Variants in NLGN4Y observed in about 807,000 individuals in gnomAD.
NLGN4Y encodes the protein neuroligin-4, Y-linked.
Under a neutral mutation model 8.4 loss-of-function variants are expected in NLGN4Y, and 4 were observed. That is an observed-to-expected ratio of 0.48 (90% CI 0.23 to 1.09). NLGN4Y has a LOEUF of 1.09. Among genes scored for constraint, NLGN4Y ranks in the 50% least tolerant of loss-of-function variants. The probability of loss-of-function intolerance (pLI) is 0.19; values close to 1 mark genes in which losing one functional copy is unlikely to be tolerated. For synonymous variants in NLGN4Y, 35 were observed against 75.6 expected, an observed-to-expected ratio of 0.46 and a Z score of 2.78; for missense variants, 90 against 192.3, an observed-to-expected ratio of 0.47 and a Z score of 3.15.
chrY:14,788,135 A>G, intron 4 of NLGN4Y, among the ~76,000 whole-genome samples: 1 of 33,813 alleles, frequency 3.0e-5, no homozygotes, highest in Non-Finnish European at 7.3e-5. Flanking sequence ...TGCAACCTCA[A>G]GTTTATCCGG....
intron 4 of NLGN4Y, among the ~76,000 whole-genome samples, chrY:14,823,160 T>C (rs2043129388): frequency 3.0e-5 from 1 of 33,876 alleles, no homozygotes; most frequent in Non-Finnish European, 7.3e-5. Context: ...TCCTCTACTC[T>C]TTTTGTTTTA....
chrY:14,578,969 C>G (rs2080307584), intron 1 of NLGN4Y, among the ~76,000 whole-genome samples: 1 of 34,139 alleles, frequency 2.9e-5, no homozygotes, highest in Non-Finnish European at 7.3e-5. Flanking sequence ...GCTGATGTAT[C>G]ATTTCAAAAA....
chrY:14,653,643 G>A (rs746684713), intron 2 of NLGN4Y, among the ~76,000 whole-genome samples: 4 of 33,080 alleles, frequency 1.2e-4, no homozygotes, highest in Non-Finnish European at 7.4e-5. Context: ...TCTACCTTCC[G>A]GATTCAAGTC....
At chrY:14,541,438 T>C (rs1042460177) in intron 1 of NLGN4Y, among the ~76,000 whole-genome samples, 2 of 33,048 alleles carry the variant, frequency 6.1e-5, no homozygotes, top group Non-Finnish European at 1.5e-4. Flanking sequence ...ACATTAAAAT[T>C]CAGGATATAC....
intron 2 of NLGN4Y, among the ~76,000 whole-genome samples, chrY:14,643,178 G>A (rs2080597124): frequency 3.0e-5 from 1 of 33,379 alleles, no homozygotes; most frequent in African/African-American, 1.2e-4. Flanking sequence ...GAGACCGGGT[G>A]GGTCCAGTAG....
chrY:14,662,631 T>C, intron 2 of NLGN4Y, among the ~76,000 whole-genome samples: 1 of 33,160 alleles, frequency 3.0e-5, no homozygotes, highest in African/African-American at 1.2e-4. Flanking sequence ...ATCTCATTCA[T>C]GAAGCTCCAT....
At chrY:14,820,696 C>G (rs2043119045) in intron 4 of NLGN4Y, among the ~76,000 whole-genome samples, 1 of 33,266 alleles carries the variant, frequency 3.0e-5, no homozygotes, top group Non-Finnish European at 7.4e-5. Context: ...AGACACAGGG[C>G]TACCTTCAGA....
chrY:14,697,226 T>G, intron 2 of NLGN4Y, among the ~76,000 whole-genome samples: 1 of 30,337 alleles, frequency 3.3e-5, no homozygotes, highest in Admixed American at 3.2e-4. Flanking sequence ...GATAGATAGA[T>G]AGATAGATAG....
chrY:14,554,022 G>A, intron 1 of NLGN4Y, among the ~76,000 whole-genome samples: 1 of 31,132 alleles, frequency 3.2e-5, no homozygotes, highest in Admixed American at 3.1e-4. Flanking sequence ...TGAATTGATG[G>A]GTGTTTTTCA....
intron 2 of NLGN4Y, among the ~76,000 whole-genome samples, chrY:14,715,309 G>T: frequency 3.0e-5 from 1 of 33,232 alleles, no homozygotes; most frequent in Non-Finnish European, 7.4e-5. Flanking sequence ...ATACTCAAAT[G>T]ATTATAAATT....
At chrY:14,641,743 C>T (rs748678549) in intron 2 of NLGN4Y, among the ~76,000 whole-genome samples, 1 of 33,374 alleles carries the variant, frequency 3.0e-5, no homozygotes, top group African/African-American at 1.2e-4. Context: ...CTGTTCTGTC[C>T]GTGGCAAAGC....
At chrY:14,725,806 G>A in intron 4 of NLGN4Y, among the ~76,000 whole-genome samples, 1 of 33,342 alleles carries the variant, frequency 3.0e-5, no homozygotes, top group Non-Finnish European at 7.4e-5. Context: ...AGATTTGTGA[G>A]ATGGTGTTAT....
At chrY:14,764,312 C>T (rs767715295) in intron 4 of NLGN4Y, among the ~76,000 whole-genome samples, 2 of 33,600 alleles carry the variant, frequency 6.0e-5, no homozygotes, top group African/African-American at 1.2e-4. Flanking sequence ...GTCTTCCTTA[C>T]GATGATTAAG....
chrY:14,646,953 C>T (rs960395452), intron 2 of NLGN4Y, among the ~76,000 whole-genome samples: 2 of 34,140 alleles, frequency 5.9e-5, no homozygotes, highest in Non-Finnish European at 1.5e-4. Context: ...CATGAAGGAA[C>T]ATTTTTAAGC....
intron 1 of NLGN4Y, among the ~76,000 whole-genome samples, chrY:14,576,607 CAGTG>C (rs2080300167): frequency 3.0e-5 from 1 of 33,247 alleles, no homozygotes; most frequent in Admixed American, 2.7e-4. Flanking sequence ...TGACACTCCC[CAGTG>C]AGATGAACCC....
intron 1 of NLGN4Y, among the ~76,000 whole-genome samples, chrY:14,587,787 A>G: frequency 3.1e-5 from 1 of 32,666 alleles, no homozygotes; most frequent in Non-Finnish European, 7.5e-5. Flanking sequence ...TGGTGGTCTC[A>G]TATTCATATT....
At chrY:14,698,303 A>G (rs2080838447) in intron 2 of NLGN4Y, among the ~76,000 whole-genome samples, 1 of 33,008 alleles carries the variant, frequency 3.0e-5, no homozygotes, top group African/African-American at 1.2e-4. Flanking sequence ...ACTAATAACC[A>G]TTTTTCATGA....
At chrY:14,761,027 T>C in intron 4 of NLGN4Y, among the ~76,000 whole-genome samples, 1 of 33,416 alleles carries the variant, frequency 3.0e-5, no homozygotes, top group African/African-American at 1.2e-4. Flanking sequence ...GGACTCCTGC[T>C]ACTTGACCTC....
intron 4 of NLGN4Y, among the ~76,000 whole-genome samples, chrY:14,816,205 C>T (rs2043101468): frequency 3.0e-5 from 1 of 33,758 alleles, no homozygotes; most frequent in Admixed American, 2.7e-4. Flanking sequence ...ACTATACCCC[C>T]GTGAAATTTT....
Sources: gnomAD v4.1 joint callset for allele counts (sites outside exome capture counted in the v4.1 genomes callset) on GRCh38, gnomAD v4.1.1 for gene constraint, MANE v1.5 for transcripts, NCBI Gene and HGNC (gene_info 2026-07-23, HGNC 2026-07-21) for gene names.